Variants in AK4 observed in about 807,000 individuals in gnomAD.
AK4 encodes the protein adenylate kinase 4, mitochondrial.
Under a neutral mutation model 24.6 loss-of-function variants are expected in AK4, and 13 were observed. That is an observed-to-expected ratio of 0.53 (90% CI 0.34 to 0.84). AK4 has a LOEUF of 0.84. Ranked by LOEUF, AK4 falls within the 40% of genes least tolerant of loss-of-function variation. The pLI is 0.01. For missense variants in AK4, 192 were observed against 288.2 expected (o/e 0.67, Z 2.42); for synonymous variants, 88 against 107.0 (o/e 0.82, Z 1.10).
chr1:65,152,063 C>G (rs1432298534), intron 1 of AK4, among the ~76,000 whole-genome samples: 1 of 152,060 alleles, frequency 6.6e-6, no homozygotes, highest in East Asian at 1.9e-4. Flanking sequence ...GGGACTGGCA[C>G]TCTATTGAGT....
intron 1 of AK4, among the ~76,000 whole-genome samples, chr1:65,177,472 A>G (rs1465901947): frequency 6.6e-6 from 1 of 152,216 alleles, no homozygotes; most frequent in African/African-American, 2.4e-5. Flanking sequence ...GATGGCACAA[A>G]GAGAAGCAGT....
intron 1 of AK4, among the ~76,000 whole-genome samples, chr1:65,154,139 G>T (rs1649893333): frequency 6.6e-6 from 1 of 152,204 alleles, no homozygotes; most frequent in Admixed American, 6.5e-5. Flanking sequence ...AGGGAGACCA[G>T]TATGGATGAG....
intron 1 of AK4, among the ~76,000 whole-genome samples, chr1:65,160,825 C>T (rs1650134882): frequency 6.6e-6 from 1 of 152,246 alleles, no homozygotes; most frequent in Admixed American, 6.5e-5. Flanking sequence ...GCATTTCTGG[C>T]CTCAAGTGAT....
intron 2 of AK4, among the ~76,000 whole-genome samples, chr1:65,193,469 A>G (rs907543973): frequency 6.6e-6 from 1 of 152,184 alleles, no homozygotes; most frequent in Non-Finnish European, 1.5e-5. Context: ...CTCTTTAGCA[A>G]TAGGTTGTTT....
intron 2 of AK4, among the ~76,000 whole-genome samples, chr1:65,204,130 C>T (rs138718634): frequency 4.0e-5 from 6 of 151,778 alleles, no homozygotes; most frequent in African/African-American, 1.4e-4. Context: ...CCTCTCTGTG[C>T]GCATATGTAG....
chr1:65,221,024 T>G (rs1652279561), intron 3 of AK4, among the ~76,000 whole-genome samples: 1 of 152,160 alleles, frequency 6.6e-6, no homozygotes, highest in Admixed American at 6.5e-5. Context: ...AAGATTACCC[T>G]TAAACAGTTC....
At chr1:65,189,420 A>G (rs142603322) in intron 1 of AK4, among the ~76,000 whole-genome samples, 4,908 of 151,538 alleles carry the variant, frequency 0.032, 108 homozygotes, top group Non-Finnish European at 0.046. Flanking sequence ...CTGGGATTAC[A>G]GGCATGCACC....
chr1:65,164,161 C>T (rs370985237), intron 1 of AK4, among the ~76,000 whole-genome samples: 6 of 152,098 alleles, frequency 3.9e-5, no homozygotes, highest in African/African-American at 9.7e-5. Context: ...GGGGTCTTTT[C>T]GGGAAAGGGC....
intron 1 of AK4, among the ~76,000 whole-genome samples, chr1:65,185,000 A>G (rs1328785621): frequency 6.6e-6 from 1 of 152,174 alleles, no homozygotes; most frequent in Non-Finnish European, 1.5e-5. Flanking sequence ...AAATTAGAGT[A>G]AGATGCCTCT....
chr1:65,214,727 A>G (rs565401016), intron 2 of AK4, among the ~76,000 whole-genome samples: 2 of 152,276 alleles, frequency 1.3e-5, no homozygotes, highest in South Asian at 4.1e-4. Context: ...TTACTAATAT[A>G]CCATGCTTGC....
chr1:65,202,187 G>T (rs1424916697), intron 2 of AK4, among the ~76,000 whole-genome samples: 6 of 151,870 alleles, frequency 4.0e-5, no homozygotes, highest in African/African-American at 1.5e-4. Context: ...CACAAGGTCA[G>T]GAGATTGAGA....
At chr1:65,190,345 T>C (rs1299227063) in intron 1 of AK4, among the ~76,000 whole-genome samples, 1 of 150,776 alleles carries the variant, frequency 6.6e-6, no homozygotes, top group Non-Finnish European at 1.5e-5. Context: ...TCCCTGCAAG[T>C]GCAAACTCCT....
At chr1:65,194,015 T>A (rs1651392175) in intron 2 of AK4, among the ~76,000 whole-genome samples, 1 of 152,156 alleles carries the variant, frequency 6.6e-6, no homozygotes, top group Admixed American at 6.5e-5. Flanking sequence ...CACTTTAGCC[T>A]GAGAGGTTGA....
intron 1 of AK4, chr1:65,154,464 C>G (rs1284168539): frequency 5.9e-6 from 3 of 508,512 alleles, no homozygotes; most frequent in African/African-American, 5.8e-5. Flanking sequence ...TATCTTGTTG[C>G]ACTCCTGACA....
chr1:65,171,107 C>G (rs1046327990), intron 1 of AK4, among the ~76,000 whole-genome samples: 2 of 150,566 alleles, frequency 1.3e-5, no homozygotes, highest in Admixed American at 6.6e-5. Context: ...AGGCACATGC[C>G]ACCATGCTTG....
At chr1:65,155,463 ACT>A (rs1649946738) in intron 1 of AK4, among the ~76,000 whole-genome samples, 1 of 152,040 alleles carries the variant, frequency 6.6e-6, no homozygotes, top group Non-Finnish European at 1.5e-5. Context: ...GCAGAGCAAG[ACT>A]CTGTCTCAGA....
In AK4 at chr1:65,226,816, CT is replaced by C. The variant is rs878903834; in HGVS notation, c.*650del. The C allele has an allele frequency of 3.5e-4, 46 of 132,938 alleles. No individual in the cohort carries two copies. Among genetic ancestry groups the C allele is most frequent in the Admixed American group, 5.1e-4 (7 of 13,698 alleles). The allele number at this position is 132,938 out of a possible 1,614,324, so 8.2% of individuals were successfully genotyped here. A position where few individuals can be genotyped will look rare whatever the true frequency, so the allele number is the denominator to read the frequency against. On this transcript the variant is annotated 3_prime_UTR_variant, in exon 5 of 5. Coordinates refer to ENST00000327299, the MANE Select transcript of AK4 (RefSeq NM_013410.4). ...ATGAAAGAATTTGGCTTTTTTTTTT[CT>C]TTTTTTTTTTGGACATCTGTTTTCA...
At chr1:65,183,181 T>C (rs567627660) in intron 1 of AK4, among the ~76,000 whole-genome samples, 1 of 152,186 alleles carries the variant, frequency 6.6e-6, no homozygotes, top group South Asian at 2.1e-4. Context: ...TTTTTTTTTC[T>C]TCCCATTTCA....
intron 1 of AK4, among the ~76,000 whole-genome samples, chr1:65,156,574 A>G (rs908556330): frequency 3.3e-5 from 5 of 152,182 alleles, no homozygotes; most frequent in African/African-American, 4.8e-5. Flanking sequence ...TGAGAACCAA[A>G]GAAGCTTTGT....
Sources: allele counts gnomAD v4.1 joint callset (sites outside exome capture counted in the v4.1 genomes callset), GRCh38; gene constraint gnomAD v4.1.1; transcripts MANE v1.5; gene names NCBI Gene and HGNC (gene_info 2026-07-23, HGNC 2026-07-21).